CPNE8: variants seen among roughly 807,000 people sequenced by gnomAD.
The protein encoded by CPNE8 is copine-8.
Under a neutral mutation model 81.5 loss-of-function variants are expected in CPNE8, and 45 were observed. The observed-to-expected ratio is 0.55, with a 90% confidence interval of 0.44 to 0.71. The LOEUF (loss-of-function observed/expected upper bound fraction) is 0.71. Ranked by LOEUF, CPNE8 falls within the 30% of genes least tolerant of loss-of-function variation. The pLI, the probability that CPNE8 is intolerant of heterozygous loss-of-function variation, is 0.00. For missense variants in CPNE8, 594 were observed against 672.1 expected, an observed-to-expected ratio of 0.88 and a Z score of 1.28; for synonymous variants, 252 against 226.3, an observed-to-expected ratio of 1.11 and a Z score of -1.02.
intron 13 of CPNE8, among the ~76,000 whole-genome samples, chr12:38,717,399 C>T (rs541054750): frequency 9.3e-6 from 1 of 107,998 alleles, no homozygotes; most frequent in African/African-American, 3.4e-5. Flanking sequence ...ATGTGCCCAT[C>T]GACCAACAAG....
chr12:38,802,971 T>C (rs553430792), intron 6 of CPNE8, among the ~76,000 whole-genome samples: 21 of 144,054 alleles, frequency 1.5e-4, no homozygotes, highest in South Asian at 2.3e-4. Context: ...AAGTTGAATC[T>C]CTGAATAGAC....
In CPNE8 at chr12:38,750,255, G is replaced by A. The variant is rs141241200; in HGVS notation, c.722+10592C>T. Among the ~76,000 whole-genome samples, 715 of 152,294 alleles carry A rather than the reference G, an allele frequency of 4.7e-3. 5 individuals carry two copies. The highest frequency in any genetic ancestry group is 0.016 in the African/African-American group (664 of 41,564). ...TCAAAAGATGTATGGAAACCCCTGG[G>A]TGCCTAGGAAGAAGTTTGCTGCAGG... On this transcript the variant is annotated intron_variant, in intron 10 of 19. Coordinates refer to ENST00000331366, the MANE Select transcript of CPNE8 (RefSeq NM_153634.3).
At chr12:38,810,552 G>A (rs909685126) in intron 6 of CPNE8, among the ~76,000 whole-genome samples, 3 of 152,070 alleles carry the variant, frequency 2.0e-5, no homozygotes, top group African/African-American at 7.2e-5. Context: ...TTTCTAACAT[G>A]TTCTTCAAAA....
At chr12:38,655,854 A>G (rs1238163448) in intron 19 of CPNE8, among the ~76,000 whole-genome samples, 1 of 152,020 alleles carries the variant, frequency 6.6e-6, no homozygotes, top group Non-Finnish European at 1.5e-5. Context: ...ATTTTACCTT[A>G]TTTGTCTTTA....
chr12:38,881,153 T>C (rs1592152982), intron 1 of CPNE8, among the ~76,000 whole-genome samples: 1 of 148,692 alleles, frequency 6.7e-6, no homozygotes, highest in East Asian at 2.0e-4. Context: ...GAGCTTGCAG[T>C]GAGCCGAGAT....
intron 19 of CPNE8, among the ~76,000 whole-genome samples, chr12:38,655,280 C>T (rs1258328728): frequency 6.6e-6 from 1 of 152,088 alleles, no homozygotes; most frequent in Non-Finnish European, 1.5e-5. Flanking sequence ...TAATAGATTG[C>T]CTGATTCCAT....
chr12:38,768,606 A>G (rs1941738300), intron 7 of CPNE8, among the ~76,000 whole-genome samples: 1 of 152,048 alleles, frequency 6.6e-6, no homozygotes, highest in African/African-American at 2.4e-5. Flanking sequence ...TGCAAGCTCC[A>G]TCTCCTGGGT....
At chr12:38,739,274 A>C (rs1941032513) in intron 10 of CPNE8, among the ~76,000 whole-genome samples, 1 of 152,172 alleles carries the variant, frequency 6.6e-6, no homozygotes, top group Non-Finnish European at 1.5e-5. Context: ...AGTATAGTTC[A>C]CCTCATAAAA....
chr12:38,763,419 AAAG>A (rs553007243), intron 8 of CPNE8, among the ~76,000 whole-genome samples: 1 of 152,242 alleles, frequency 6.6e-6, no homozygotes, highest in Non-Finnish European at 1.5e-5. Flanking sequence ...GATTAGGAAA[AAAG>A]GAGTAGAATT....
Position 38,905,551 on chromosome 12 carries a change from T to C in CPNE8, c.-17A>G, listed in dbSNP as rs1944558458. The C allele has an allele frequency of 1.9e-6, 3 of 1,552,194 alleles. No homozygotes were observed. Among genetic ancestry groups the C allele is most frequent in the Admixed American group, 1.9e-5 (1 of 51,286 alleles). ...GCTGTCCATATTGGGAGGAGGCGCC[T>C]TGGACTTGTCCGGCGCCCACAACCA... On this transcript the variant is annotated 5_prime_UTR_variant, in exon 1 of 20. Transcript: ENST00000331366.
intron 1 of CPNE8, among the ~76,000 whole-genome samples, chr12:38,886,997 T>G (rs1414428492): frequency 6.6e-6 from 1 of 152,114 alleles, no homozygotes; most frequent in Non-Finnish European, 1.5e-5. Flanking sequence ...GACTTCTGAC[T>G]GAGACTGAAC....
intron 8 of CPNE8, among the ~76,000 whole-genome samples, chr12:38,763,849 T>G (rs1470920383): frequency 1.3e-5 from 2 of 152,128 alleles, no homozygotes; most frequent in Non-Finnish European, 2.9e-5. Context: ...ATAAATACCA[T>G]AGTGAATATA....
At chr12:38,778,219 C>T (rs970542577) in intron 6 of CPNE8, among the ~76,000 whole-genome samples, 5 of 152,126 alleles carry the variant, frequency 3.3e-5, no homozygotes, top group African/African-American at 4.8e-5. Flanking sequence ...TCCACAAAAC[C>T]GCTCCTTGGT....
intron 19 of CPNE8, among the ~76,000 whole-genome samples, chr12:38,661,697 A>AACAACAACAAAAATCT (rs1361790124): frequency 6.6e-6 from 1 of 152,190 alleles, no homozygotes; most frequent in Non-Finnish European, 1.5e-5. Flanking sequence ...ACAAGGACAC[A>AACAACAACAAAAATCT]ACAACAACAA....
At chr12:38,718,558 G>A (rs1283265798) in intron 13 of CPNE8, among the ~76,000 whole-genome samples, 2 of 152,080 alleles carry the variant, frequency 1.3e-5, no homozygotes, top group African/African-American at 4.8e-5. Context: ...ATTCAGAAAG[G>A]GTAAGGATAT....
At chr12:38,783,056 G>C (rs2136908684) in intron 6 of CPNE8, among the ~76,000 whole-genome samples, 1 of 152,196 alleles carries the variant, frequency 6.6e-6, no homozygotes, top group South Asian at 2.1e-4. Flanking sequence ...TTTAAAGATT[G>C]CTTCTTTTAA....
intron 4 of CPNE8, among the ~76,000 whole-genome samples, chr12:38,847,819 T>C (rs376240056): frequency 7.9e-5 from 12 of 152,156 alleles, no homozygotes; most frequent in African/African-American, 2.7e-4. Context: ...GTATGGTACA[T>C]CAGAATTTTC....
intron 12 of CPNE8, 140 bp downstream of exon 12, chr12:38,724,705 AT>A (rs1462523675): frequency 8.9e-6 from 5 of 558,998 alleles, no homozygotes; most frequent in Non-Finnish European, 1.5e-5. Flanking sequence ...TGATTTTTCT[AT>A]TGTGTTCCTT....
At chr12:38,813,196 A>C (rs898937767) in intron 6 of CPNE8, among the ~76,000 whole-genome samples, 2 of 152,226 alleles carry the variant, frequency 1.3e-5, no homozygotes, top group African/African-American at 4.8e-5. Context: ...CTTATTCCAG[A>C]AAAAACAATT....
Sources: gnomAD v4.1 joint callset for allele counts (sites outside exome capture counted in the v4.1 genomes callset) on GRCh38, gnomAD v4.1.1 for gene constraint, MANE v1.5 for transcripts, NCBI Gene and HGNC (gene_info 2026-07-23, HGNC 2026-07-21) for gene names.